Variants in RADX observed in about 807,000 individuals in gnomAD.
RADX encodes the protein RPA-related protein RADX.
A neutral mutation model predicts 61.6 loss-of-function variants in RADX; 36 were observed. The observed-to-expected ratio is 0.58, with a 90% CI of 0.45 to 0.77. The LOEUF (loss-of-function observed/expected upper bound fraction) is 0.77, where lower values mean the gene tolerates loss of function less well. Ranked by LOEUF, RADX falls within the 30% of genes least tolerant of loss-of-function variation. The pLI is 0.00. For synonymous variants in RADX, 272 were observed against 237.9 expected, an observed-to-expected ratio of 1.14 and a Z score of -1.32; for missense variants, 497 against 651.1, an observed-to-expected ratio of 0.76 and a Z score of 2.58.
rs1385085702 is a variant in RADX at position 106,678,992 on chromosome X, A to G, written c.*734A>G. The G allele has an allele frequency of 8.9e-6, 1 of 112,383 alleles. No individual in the cohort carries two copies. Among genetic ancestry groups the G allele is most frequent in the Non-Finnish European group, 1.9e-5 (1 of 53,192 alleles). The allele number at this position is 112,383 out of a possible 1,213,427, so 9.3% of individuals were successfully genotyped here. On this transcript the variant is annotated 3_prime_UTR_variant, in exon 14 of 14. Coordinates refer to ENST00000372548, the MANE Select transcript of RADX (RefSeq NM_018015.6). The stretch of plus-strand genomic sequence containing the variant: ...ATGTGAGTTTAAATAGTGAAATTGT[A>G]TCTCATATTAACATTTCAAATGCTC...
At chrX:106,658,154 A>G (rs998008121) in intron 11 of RADX, among the ~76,000 whole-genome samples, 1 of 112,385 alleles carries the variant, frequency 8.9e-6, no homozygotes, top group Non-Finnish European at 1.9e-5. Context: ...ATGTAAAGAT[A>G]TGATATAAAA....
chrX:106,634,994 C>T (rs1308502676), intron 6 of RADX, among the ~76,000 whole-genome samples: 1 of 111,800 alleles, frequency 8.9e-6, no homozygotes, highest in Admixed American at 9.5e-5. Context: ...TAGTTGACAA[C>T]AGTCACAATT....
chrX:106,612,780 G>A (rs374402198), intron 1 of RADX, 57 bp downstream of exon 1: 32 of 1,063,540 alleles, frequency 3.0e-5, no homozygotes, highest in East Asian at 2.1e-4. Context: ...TCAGGAGCTT[G>A]CGTGAACGGG....
chrX:106,664,336 A>G lies in RADX; in HGVS notation c.2269+2031A>G, dbSNP rs368409879. Among the ~76,000 whole-genome samples the G allele has an allele frequency of 2.7e-5, 3 of 110,531 alleles. No homozygotes were observed. In the East Asian group the frequency reaches 8.5e-4, roughly 31 times the overall value. On this transcript the variant is annotated intron_variant, in intron 12 of 13. Coordinates refer to ENST00000372548, the MANE Select transcript of RADX (RefSeq NM_018015.6). ...GCTAGGTAAAAGCCAGGCCATGATT[A>G]TAAATCAGATCTCCTGATTCTCTAA...
chrX:106,621,925 GTTTTTTT>G (rs368340491), intron 1 of RADX, among the ~76,000 whole-genome samples: 1 of 89,943 alleles, frequency 1.1e-5, no homozygotes, highest in Admixed American at 1.2e-4. Context: ...CAATTCTATG[GTTTTTTT>G]TTTTTTTTTT....
At chrX:106,659,023 C>A (rs1281014255) in intron 11 of RADX, among the ~76,000 whole-genome samples, 1 of 109,854 alleles carries the variant, frequency 9.1e-6, no homozygotes, top group African/African-American at 3.3e-5. Flanking sequence ...TGCAATGGCA[C>A]GATCATGGCT....
intron 10 of RADX, among the ~76,000 whole-genome samples, chrX:106,646,057 T>C (rs1284642927): frequency 1.8e-5 from 2 of 111,063 alleles, no homozygotes; most frequent in Admixed American, 1.9e-4. Flanking sequence ...TTTTGTCTGA[T>C]ATAAAGATAG....
In RADX at chrX:106,632,619, T is replaced by G. The variant is rs1393323463; in HGVS notation, c.980-6T>G. On this transcript the variant is annotated splice_region_variant and splice_polypyrimidine_tract_variant and intron_variant, in intron 3 of 13. Coordinates refer to ENST00000372548, the MANE Select transcript of RADX (RefSeq NM_018015.6). The stretch of plus-strand genomic sequence containing the variant: ...AGCATATTAAAGTAATATATTTATT[T>G]TTCAGAAATCTGCCTGAATCTTCGA... 1 of 1,131,014 alleles carries G rather than the reference T, an allele frequency of 8.8e-7. No homozygotes were observed. Among genetic ancestry groups the G allele is most frequent in the Admixed American group, 2.3e-5 (1 of 43,381 alleles). The allele number at this position is 1,131,014 out of a possible 1,213,427, so 93.2% of individuals were successfully genotyped here.
At chrX:106,644,099 G>A (rs193096700) in intron 10 of RADX, among the ~76,000 whole-genome samples, 2 of 111,383 alleles carry the variant, frequency 1.8e-5, no homozygotes, top group East Asian at 5.6e-4. Context: ...GCATAGAGAA[G>A]TGCTTCTGAT....
At chrX:106,632,455 G>T (rs1204029354) in intron 3 of RADX, among the ~76,000 whole-genome samples, 170 bp from the exon 4 acceptor site, 1 of 111,594 alleles carries the variant, frequency 9.0e-6, no homozygotes, top group African/African-American at 3.3e-5. Flanking sequence ...GTGGTGGAGA[G>T]ATAAGTGGAT....
chrX:106,617,430 A>T (rs1407477302), intron 1 of RADX, among the ~76,000 whole-genome samples: 1 of 111,578 alleles, frequency 9.0e-6, no homozygotes, highest in African/African-American at 3.3e-5. Context: ...CATATTCCAG[A>T]TCCTTATTTT....
Position 106,648,294 on chromosome X carries a change from C to T in RADX, c.1905-19C>T, listed in dbSNP as rs774828724. 2 of 1,092,721 alleles carry T rather than the reference C, an allele frequency of 1.8e-6. No homozygotes were observed. Among genetic ancestry groups the T allele is most frequent in the Non-Finnish European group, 1.3e-6 (1 of 797,210 alleles). 90.1% of individuals were successfully genotyped at this position (1,092,721 alleles called of 1,213,427 possible). ...ACTCTTTTTATAAGGATTGGTTATA[C>T]TCTTCTTATCCTTTATAGAGTTGCT... On this transcript the variant is annotated intron_variant, in intron 10 of 13. Transcript: ENST00000372548.
intron 1 of RADX, among the ~76,000 whole-genome samples, chrX:106,615,224 C>G (rs1411748359): frequency 1.8e-5 from 2 of 112,233 alleles, no homozygotes; most frequent in Admixed American, 1.9e-4. Context: ...GACATGATCT[C>G]TGTCACAACC....
chrX:106,678,313 T>C lies in RADX; in HGVS notation c.*55T>C. 1.2e-6 allele frequency: 1 copy of C among 849,843 alleles called. No individual in the cohort carries two copies. 70.0% of individuals were successfully genotyped at this position (849,843 alleles called of 1,213,427 possible). ...TACGAGTGTACTGCTTTAAAGATAT[T>C]CCATCATTTTGCTGGTAATTTCAGT... On this transcript the variant is annotated 3_prime_UTR_variant, in exon 14 of 14. Transcript: ENST00000372548.
chrX:106,628,153 C>A (rs544286756), intron 3 of RADX, among the ~76,000 whole-genome samples: 1 of 110,943 alleles, frequency 9.0e-6, no homozygotes, highest in Admixed American at 9.6e-5. Flanking sequence ...GATTAGTTAT[C>A]TTTTAAAGAG....
In RADX at chrX:106,661,939, G is replaced by T. The variant is rs768141838; in HGVS notation, c.1979-76G>T. 1.4e-3 allele frequency: 1,260 copies of T among 882,760 alleles called. 1 individual carries two copies. Among genetic ancestry groups the T allele is most frequent in the Non-Finnish European group, 1.8e-3 (1,125 of 642,839 alleles). 72.7% of individuals were successfully genotyped at this position (882,760 alleles called of 1,213,427 possible). ...TTAAACTCTTCCTCATTAATGTGTG[G>T]TTTTTTTTTGCAGTGAATGACTTGA... On this transcript the variant is annotated intron_variant, in intron 11 of 13. Coordinates refer to ENST00000372548, the MANE Select transcript of RADX (RefSeq NM_018015.6).
chrX:106,673,060 A>T (rs977790571), intron 13 of RADX, among the ~76,000 whole-genome samples: 1 of 111,677 alleles, frequency 9.0e-6, no homozygotes, highest in African/African-American at 3.3e-5. Flanking sequence ...CAGGTCCAGA[A>T]ATACCATCTA....
chrX:106,639,742 C>T, intron 9 of RADX, 55 bp downstream of exon 9: 1 of 937,258 alleles, frequency 1.1e-6, no homozygotes, highest in Non-Finnish European at 1.4e-6. Flanking sequence ...ATTATGATTG[C>T]AATTGGTACC....
chrX:106,636,173 C>T (rs1441447977), intron 6 of RADX, among the ~76,000 whole-genome samples: 1 of 111,386 alleles, frequency 9.0e-6, no homozygotes. Context: ...ACTGTTCACA[C>T]TCAGGTGTGG....
Sources: allele counts gnomAD v4.1 joint callset (sites outside exome capture counted in the v4.1 genomes callset), GRCh38; gene constraint gnomAD v4.1.1; transcripts MANE v1.5; gene names NCBI Gene and HGNC (gene_info 2026-07-23, HGNC 2026-07-21).